The following TMEM143 variants were observed in gnomAD, a reference collection of about 807,000 sequenced individuals.
TMEM143 encodes transmembrane protein 143.
A neutral mutation model predicts 40.3 loss-of-function variants in TMEM143; 45 were observed. The observed-to-expected ratio is 1.12, with a 90% CI of 0.88 to 1.43. TMEM143 has a LOEUF of 1.43. Ranked by LOEUF, TMEM143 falls within the 40% of genes most tolerant of loss-of-function variation. The pLI is 0.00. For missense variants in TMEM143, 620 were observed against 613.4 expected (o/e 1.01, Z -0.11); for synonymous variants, 299 against 282.7 (o/e 1.06, Z -0.58).
chr19:48,344,335 G>A (rs1484334360), intron 4 of TMEM143, among the ~76,000 whole-genome samples: 1 of 151,440 alleles, frequency 6.6e-6, no homozygotes, highest in East Asian at 2.0e-4. Flanking sequence ...AGGCTGGAGT[G>A]CAGTGGCAAG....
In TMEM143 at chr19:48,363,448, G is replaced by C; in HGVS notation, c.107C>G (p.Ala36Gly). The C allele has an allele frequency of 1.9e-6, 3 of 1,613,950 alleles. No individual in the cohort carries two copies. The East Asian group carries it at 6.7e-5, about 36-fold the overall frequency. ...GAGGGCCCGGGGGGGCCCGAGGAGC[G>C]CGGGCAACAGTGGCCATACTCGGAC... is the stretch of plus-strand genomic sequence containing the variant. ...SRVRVWPLLP[A>G]LLGPPRALSS... The change falls in exon 2 of 8, where the codon GCG (alanine) becomes GGG (glycine). Residue 36 changes from alanine to glycine, a missense_variant. By Grantham distance (60) the Ala-to-Gly change is moderately conservative (BLOSUM62 0). Transcript: ENST00000293261.
At chr19:48,355,310 C>G (rs1164398016) in intron 3 of TMEM143, among the ~76,000 whole-genome samples, 2 of 151,940 alleles carry the variant, frequency 1.3e-5, no homozygotes, top group African/African-American at 4.8e-5. Context: ...AGATCACAGA[C>G]AAGACATACC....
At position 48,333,170 on chromosome 19, in the gene TMEM143, G is replaced by A. The variant is rs1355738071; in HGVS notation, c.*49C>T. On this transcript the variant is annotated 3_prime_UTR_variant, in exon 8 of 8. Coordinates refer to ENST00000293261, the MANE Select transcript of TMEM143 (RefSeq NM_018273.4). This position sits in a 1 kb window ranked among gnomAD's most constrained non-coding sequence, Gnocchi z 4.1. ...TAATTGACAGCCTGTCGTGAAGGAGGCGGGGCTTAGTTCCTAGCCTGCTGA... is the reference window on the plus strand; with the variant it reads ...TAATTGACAGCCTGTCGTGAAGGAGACGGGGCTTAGTTCCTAGCCTGCTGA... 5.2e-6 allele frequency: 7 copies of A among 1,335,292 alleles called. No homozygotes were observed. Among genetic ancestry groups the A allele is most frequent in the Non-Finnish European group, 6.9e-6 (7 of 1,007,212 alleles). The allele number at this position is 1,335,292 out of a possible 1,614,324, so 82.7% of individuals were successfully genotyped here.
At chr19:48,337,035 G>T (rs1177259456) in intron 6 of TMEM143, among the ~76,000 whole-genome samples, 1 of 149,280 alleles carries the variant, frequency 6.7e-6, no homozygotes, top group African/African-American at 2.5e-5. Flanking sequence ...AAAAAAAAAA[G>T]AAAAAAGAAA....
intron 3 of TMEM143, among the ~76,000 whole-genome samples, chr19:48,348,025 CAAAAAAA>C (rs556686693): frequency 2.9e-5 from 3 of 103,324 alleles, no homozygotes; most frequent in African/African-American, 1.2e-4. Flanking sequence ...GACCCTGTCT[CAAAAAAA>C]AAAAAAAAGA....
intron 3 of TMEM143, among the ~76,000 whole-genome samples, chr19:48,346,344 G>T (rs896787825): frequency 3.3e-5 from 5 of 151,520 alleles, no homozygotes; most frequent in Admixed American, 3.3e-4. Flanking sequence ...CAACCACCTC[G>T]GCCTCCCAAA....
chr19:48,355,784 TAA>T (rs1384436682), intron 3 of TMEM143, among the ~76,000 whole-genome samples: 1 of 152,250 alleles, frequency 6.6e-6, no homozygotes, highest in Non-Finnish European at 1.5e-5. Flanking sequence ...TCCTGACTGA[TAA>T]GAGTGTCTTG....
In TMEM143 at chr19:48,334,205, C is replaced by A; in HGVS notation, c.976-8G>T. 6.3e-7 allele frequency: 1 copy of A among 1,588,072 alleles called. No individual in the cohort carries two copies. The highest frequency in any genetic ancestry group is 8.6e-7 in the Non-Finnish European group (1 of 1,167,996). ...GCGCCGCTGCCCGAACATCTGCAGG[C>A]GGGACAGCGCCCCGTGGGCTCAGTT... On this transcript the variant is annotated splice_region_variant and splice_polypyrimidine_tract_variant and intron_variant, in intron 6 of 7. Coordinates refer to ENST00000293261, the MANE Select transcript of TMEM143 (RefSeq NM_018273.4).
chr19:48,346,739 G>T (rs1227940114), intron 3 of TMEM143, among the ~76,000 whole-genome samples: 1 of 150,756 alleles, frequency 6.6e-6, no homozygotes, highest in African/African-American at 2.4e-5. Context: ...CACCACGCCT[G>T]GCTAATTTTT....
At chr19:48,363,096 GC>G (rs1385226424) in intron 2 of TMEM143, among the ~76,000 whole-genome samples, 194 bp downstream of exon 2, 1 of 152,236 alleles carries the variant, frequency 6.6e-6, no homozygotes, top group African/African-American at 2.4e-5. Flanking sequence ...GGGAATGGAT[GC>G]TGCGTCTGCA....
chr19:48,363,597 C>T (rs779982447), intron 1 of TMEM143, 66 bp from the exon 2 acceptor site: 64 of 1,529,904 alleles, frequency 4.2e-5, no homozygotes, highest in Non-Finnish European at 5.4e-5. Flanking sequence ...TCCACCTCCA[C>T]GTCCCACCCT....
intron 1 of TMEM143, 164 bp from the exon 2 acceptor site, chr19:48,363,695 A>C: frequency 5.1e-6 from 7 of 1,373,174 alleles, no homozygotes; most frequent in Non-Finnish European, 6.9e-6. Flanking sequence ...CACACTGCTC[A>C]GTTGGCCTGG....
At chr19:48,347,357 A>G (rs1187096924) in intron 3 of TMEM143, among the ~76,000 whole-genome samples, 2 of 152,068 alleles carry the variant, frequency 1.3e-5, no homozygotes, top group Non-Finnish European at 2.9e-5. Flanking sequence ...GGCCTAAGTG[A>G]AGGTTTGGTC....
intron 6 of TMEM143, among the ~76,000 whole-genome samples, chr19:48,335,305 G>A (rs573102599): frequency 6.6e-6 from 1 of 152,340 alleles, no homozygotes; most frequent in South Asian, 2.1e-4. Flanking sequence ...TAGGCCAAGT[G>A]CAGTGGCTCA....
chr19:48,348,135 TG>T (rs1243423323), intron 3 of TMEM143, among the ~76,000 whole-genome samples: 1 of 152,126 alleles, frequency 6.6e-6, no homozygotes, highest in Non-Finnish European at 1.5e-5. Context: ...CGAGCAGTTC[TG>T]GGACTTACAG....
Position 48,332,974 on chromosome 19 carries a change from G to T in TMEM143, c.*245C>A, listed in dbSNP as rs45448100. 0.051 allele frequency: 18,437 copies of T among 358,520 alleles called. 838 individuals are homozygous for T. The highest frequency in any genetic ancestry group is 0.15 in the African/African-American group (7,416 of 47,940). 22.2% of individuals were successfully genotyped at this position (358,520 alleles called of 1,614,324 possible). The stretch of plus-strand genomic sequence containing the variant: ...ATGTTTATGGTGAGGGTGGGACTAA[G>T]AAATGGAACAGAAGCAGAGCTAAAT... On this transcript the variant is annotated 3_prime_UTR_variant, in exon 8 of 8. Transcript: ENST00000293261.
chr19:48,350,259 C>T (rs1225774842), intron 3 of TMEM143, among the ~76,000 whole-genome samples: 5 of 151,844 alleles, frequency 3.3e-5, no homozygotes, highest in Non-Finnish European at 7.4e-5. Context: ...GATCCACCCA[C>T]CTCGGCCTCC....
chr19:48,361,394 T>C (rs1436607276), intron 2 of TMEM143, among the ~76,000 whole-genome samples: 2 of 152,112 alleles, frequency 1.3e-5, no homozygotes, highest in African/African-American at 4.8e-5. Flanking sequence ...ATTTTTGTAC[T>C]TTTAATAGAG....
At chr19:48,350,893 G>A (rs1969752880) in intron 3 of TMEM143, among the ~76,000 whole-genome samples, 1 of 121,486 alleles carries the variant, frequency 8.2e-6, no homozygotes, top group Admixed American at 1.2e-4. Flanking sequence ...CTGCACTCCA[G>A]CCTGGGAGAC....
Sources: allele counts gnomAD v4.1 joint callset (sites outside exome capture counted in the v4.1 genomes callset), GRCh38; gene constraint gnomAD v4.1.1; non-coding constraint Gnocchi (gnomAD v3.1); transcripts MANE v1.5; gene names NCBI Gene and HGNC (gene_info 2026-07-23, HGNC 2026-07-21).